PTPRG: variants seen among roughly 807,000 people sequenced by gnomAD.
PTPRG encodes protein tyrosine phosphatase receptor type G.
In PTPRG, 102 loss-of-function variants were observed where a neutral mutation model predicts 165.3. That is an observed-to-expected ratio of 0.62 (90% CI 0.53 to 0.73). The LOEUF (loss-of-function observed/expected upper bound fraction) is 0.73. PTPRG is among the 30% of genes least tolerant of loss of function. The pLI is 0.00. For synonymous variants in PTPRG, 675 were observed against 669.5 expected, an observed-to-expected ratio of 1.01 and a Z score of -0.13; for missense variants, 1,866 against 1,861.4, an observed-to-expected ratio of 1.00 and a Z score of -0.05.
intron 1 of PTPRG, among the ~76,000 whole-genome samples, chr3:61,720,666 T>G (rs2032008624): frequency 6.6e-6 from 1 of 152,204 alleles, no homozygotes; most frequent in Admixed American, 6.5e-5. Flanking sequence ...TTCTGTCAGT[T>G]TATTTCACTG....
chr3:61,577,685 T>C lies in PTPRG; in HGVS notation c.85+15313T>C, dbSNP rs183967351. On this transcript the variant is annotated intron_variant, in intron 1 of 29. Coordinates refer to ENST00000474889, the MANE Select transcript of PTPRG (RefSeq NM_002841.4). ...TGGCTCGCATTTGTAGCTCGCATTG[T>C]ATTTTTATCGGACGGCACTGGTCTA... 3.9e-5 allele frequency among the ~76,000 whole-genome samples: 6 copies of C among 152,324 alleles called. No homozygotes were observed. In the East Asian group the frequency reaches 1.2e-3, roughly 29 times the overall value.
At position 61,884,629 on chromosome 3, in the gene PTPRG, G is replaced by A. The variant is rs150549101; in HGVS notation, c.191-104996G>A. Among the ~76,000 whole-genome samples the A allele has an allele frequency of 3.5e-4, 53 of 152,260 alleles. No individual in the cohort carries two copies. The East Asian group carries it at 9.8e-3, about 28-fold the overall frequency. On this transcript the variant is annotated intron_variant, in intron 2 of 29. Transcript: ENST00000474889. ...AGGACCAGTTTACACAGAGACTTCC[G>A]GGCTGGCAATGGTTTGATGTGTTCA...
At chr3:61,873,678 G>A (rs368402185) in intron 2 of PTPRG, among the ~76,000 whole-genome samples, 2 of 151,964 alleles carry the variant, frequency 1.3e-5, no homozygotes, top group South Asian at 2.1e-4. Context: ...CTGGGGGGAG[G>A]GGTAGTTTTT....
intron 2 of PTPRG, among the ~76,000 whole-genome samples, chr3:61,878,382 A>G (rs536430659): frequency 6.6e-6 from 1 of 152,302 alleles, no homozygotes; most frequent in South Asian, 2.1e-4. Flanking sequence ...TTTCTGAGTC[A>G]GGATAAGCAA....
chr3:62,176,026 C>T (rs1576097704), intron 8 of PTPRG, among the ~76,000 whole-genome samples: 2 of 152,114 alleles, frequency 1.3e-5, no homozygotes, highest in East Asian at 3.9e-4. Flanking sequence ...TGGGAAGCCT[C>T]TGGAGGGTTT....
At chr3:62,005,330 CTT>C (rs1294063601) in intron 4 of PTPRG, among the ~76,000 whole-genome samples, 4 of 152,264 alleles carry the variant, frequency 2.6e-5, no homozygotes, top group African/African-American at 9.6e-5. Flanking sequence ...ACTTGGAAAA[CTT>C]TATTCCTAGA....
At chr3:62,010,271 G>T (rs1242944612) in intron 4 of PTPRG, among the ~76,000 whole-genome samples, 1 of 151,932 alleles carries the variant, frequency 6.6e-6, no homozygotes, top group African/African-American at 2.4e-5. Flanking sequence ...TTGTACATTG[G>T]CATATTAAGG....
intron 7 of PTPRG, among the ~76,000 whole-genome samples, chr3:62,161,692 G>A (rs1704767308): frequency 6.6e-6 from 1 of 152,184 alleles, no homozygotes; most frequent in South Asian, 2.1e-4. Context: ...TCACCTTCAT[G>A]CAAAACTGAC....
rs979820409 is a variant in PTPRG, at chr3:62,294,742, G to T, written c.*1435G>T. The T allele has an allele frequency of 3.9e-5, 6 of 152,130 alleles. No individual in the cohort carries two copies. The highest frequency in any genetic ancestry group is 8.8e-5 in the Non-Finnish European group (6 of 68,002). 9.4% of individuals were successfully genotyped at this position (152,130 alleles called of 1,614,324 possible). A position where few individuals can be genotyped will look rare whatever the true frequency, so the allele number is the denominator to read the frequency against. ...ATTGCATGTTTGCTTTTGAGGGACA[G>T]CTTCTGTCAAAAGTGAAATCATCAC... On this transcript the variant is annotated 3_prime_UTR_variant, in exon 30 of 30. Coordinates refer to ENST00000474889, the MANE Select transcript of PTPRG (RefSeq NM_002841.4).
At chr3:61,826,399 A>G in intron 2 of PTPRG, among the ~76,000 whole-genome samples, 1 of 152,174 alleles carries the variant, frequency 6.6e-6, no homozygotes, top group Admixed American at 6.6e-5. Context: ...TGATTAATCC[A>G]GTTCACTGGA....
intron 2 of PTPRG, among the ~76,000 whole-genome samples, chr3:61,957,117 G>T: frequency 6.6e-6 from 1 of 152,118 alleles, no homozygotes; most frequent in East Asian, 1.9e-4. Context: ...AGCAAATAAA[G>T]CCATGTATGT....
At chr3:62,119,552 T>A (rs1702985113) in intron 5 of PTPRG, among the ~76,000 whole-genome samples, 1 of 152,074 alleles carries the variant, frequency 6.6e-6, no homozygotes, top group Non-Finnish European at 1.5e-5. Context: ...AGAGGTCGGC[T>A]GGGCCCAGAT....
intron 2 of PTPRG, among the ~76,000 whole-genome samples, chr3:61,959,470 C>A (rs1268233851): frequency 6.6e-6 from 1 of 152,166 alleles, no homozygotes; most frequent in Non-Finnish European, 1.5e-5. Context: ...ATGCGCAGTT[C>A]ACAATAGGGT....
chr3:61,726,229 C>G (rs755586240), intron 1 of PTPRG, among the ~76,000 whole-genome samples: 11 of 152,118 alleles, frequency 7.2e-5, no homozygotes, highest in Non-Finnish European at 1.3e-4. Context: ...TGTGTAGTGG[C>G]TTTGTTTTGG....
intron 2 of PTPRG, among the ~76,000 whole-genome samples, chr3:61,797,089 G>T (rs1298371195): frequency 6.6e-6 from 1 of 152,188 alleles, no homozygotes; most frequent in Non-Finnish European, 1.5e-5. Context: ...AGCCGGCACA[G>T]AAATGTTCGT....
intron 2 of PTPRG, among the ~76,000 whole-genome samples, chr3:61,817,657 G>C (rs2035826619): frequency 6.6e-6 from 1 of 152,144 alleles, no homozygotes; most frequent in Admixed American, 6.5e-5. Flanking sequence ...GCGTGGAATT[G>C]GCCCCAGAGG....
At chr3:61,817,219 T>G (rs938638488) in intron 2 of PTPRG, among the ~76,000 whole-genome samples, 1 of 140,022 alleles carries the variant, frequency 7.1e-6, no homozygotes, top group African/African-American at 2.6e-5. Flanking sequence ...ATAATATATA[T>G]AAATATATAT....
At chr3:62,132,519 C>T in intron 5 of PTPRG, 83 bp from the exon 6 acceptor site, 1 of 1,085,604 alleles carries the variant, frequency 9.2e-7, no homozygotes, top group Non-Finnish European at 1.4e-6. Context: ...TCTATTCTCC[C>T]CCTTCTCTTT....
intron 1 of PTPRG, among the ~76,000 whole-genome samples, chr3:61,617,246 A>C (rs556539476): frequency 6.6e-6 from 1 of 152,316 alleles, no homozygotes; most frequent in African/African-American, 2.4e-5. Flanking sequence ...TACCCAGTCT[A>C]CTATAGAGAG....
Sources: allele counts gnomAD v4.1 joint callset (sites outside exome capture counted in the v4.1 genomes callset), GRCh38; gene constraint gnomAD v4.1.1; transcripts MANE v1.5; gene names NCBI Gene and HGNC (gene_info 2026-07-23, HGNC 2026-07-21).